The following CEP85 variants were observed in gnomAD, a reference collection of about 807,000 sequenced individuals.
The protein encoded by CEP85 is centrosomal protein 85.
A neutral mutation model predicts 93.7 loss-of-function variants in CEP85; 58 were observed. That is an observed-to-expected ratio of 0.62 (90% CI 0.50 to 0.77). CEP85 has a LOEUF of 0.77. CEP85 is among the 30% of genes least tolerant of loss of function. The pLI is 0.00. For synonymous variants in CEP85, 314 were observed against 338.6 expected (o/e 0.93, Z 0.80); for missense variants, 868 against 922.0 (o/e 0.94, Z 0.76).
chr1:26,246,016 G>A (rs1015360066), intron 3 of CEP85, among the ~76,000 whole-genome samples: 2 of 151,936 alleles, frequency 1.3e-5, no homozygotes, highest in Admixed American at 6.6e-5. Flanking sequence ...TTGTTACACA[G>A]GTTGCGTGTG....
At chr1:26,245,874 T>C (rs904160231) in intron 3 of CEP85, among the ~76,000 whole-genome samples, 2 of 152,088 alleles carry the variant, frequency 1.3e-5, no homozygotes, top group Non-Finnish European at 2.9e-5. Context: ...TGGATGGCTA[T>C]ATTCCAGAAG....
rs773552739 is a variant in CEP85 at position 26,277,243 on chromosome 1, A to G, written c.2236A>G (p.Met746Val). Residue 746 changes from methionine to valine, a missense_variant, in exon 14 of 14, where the codon ATG becomes GTG. By Grantham distance (21) the Met-to-Val change is conservative. Transcript: ENST00000451429. ...RRDIEDLRTT[M>V]SDRYAQDMGE... is the part of the protein sequence containing the mutation. ...TGACATTGAGGACTTAAGGACCACC[A>G]TGTCAGACAGATATGCCCAGGACAT... is the stretch of plus-strand genomic sequence containing the variant. The G allele has an allele frequency of 8.7e-6, 14 of 1,614,244 alleles. No individual in the cohort carries two copies. The highest frequency in any genetic ancestry group is 5.5e-5 in the South Asian group (5 of 91,092).
In CEP85 at chr1:26,272,035, G is replaced by A. The variant is rs1471023920; in HGVS notation, c.1758G>A (p.Gln586=). The A allele has an allele frequency of 6.2e-7, 1 of 1,614,028 alleles. No individual in the cohort carries two copies. Among genetic ancestry groups the A allele is most frequent in the Non-Finnish European group, 8.5e-7 (1 of 1,180,036 alleles). Residue 586 remains glutamine (Q), a synonymous_variant, in exon 11 of 14, where the codon CAG becomes CAA. Coordinates refer to ENST00000451429, the MANE Select transcript of CEP85 (RefSeq NM_001319944.2). ...TTGCCTTTCAGATTGTGGAGAAGCA[G>A]CAGCAGAAGATGGATCAGTTGCGCT... The part of the protein sequence containing the change: ...YDSLQKIVEK[Q]QQKMDQLRSQ...
At chr1:26,257,485 A>T (rs2089725105) in intron 4 of CEP85, 112 bp from the exon 5 acceptor site, 2 of 1,303,148 alleles carry the variant, frequency 1.5e-6, no homozygotes, top group Non-Finnish European at 2.1e-6. Context: ...ATTGGGCCTC[A>T]TCAGGCTGAG....
chr1:26,270,978 A>G, intron 9 of CEP85, 36 bp from the exon 10 acceptor site: 2 of 1,311,742 alleles, frequency 1.5e-6, no homozygotes, highest in South Asian at 1.2e-5. Flanking sequence ...ACTTGTGTCT[A>G]ACTTCAGAGT....
chr1:26,255,063 C>T, intron 3 of CEP85, 108 bp from the exon 4 acceptor site: 1 of 834,548 alleles, frequency 1.2e-6, no homozygotes, highest in East Asian at 2.4e-5. Flanking sequence ...GATGATGGTG[C>T]TCTCTCTGCT....
chr1:26,269,516 G>A lies in CEP85; in HGVS notation c.1551G>A (p.Glu517=), dbSNP rs139435208. 22 of 1,613,996 alleles carry A rather than the reference G, an allele frequency of 1.4e-5. No homozygotes were observed. The highest frequency in any genetic ancestry group is 1.8e-5 in the Non-Finnish European group (21 of 1,179,976). The change falls in exon 9 of 14, where the codon GAG becomes GAA. Residue 517 remains glutamate, a synonymous_variant. Transcript: ENST00000451429. ...TELQEKVTEL[E]SLLEETQAIC... is the part of the protein sequence containing the mutation. ...TGCAGGAGAAAGTGACTGAGCTGGA[G>A]AGTTTGCTGGAGGAGACCCAGGCAA...
At position 26,276,712 on chromosome 1, in the gene CEP85, AGGGCCCAGG is replaced by A. The variant is rs1557671828; in HGVS notation, c.2082_2090del (p.Arg694_Gly697delinsSer). 1.2e-6 allele frequency: 2 copies of A among 1,614,132 alleles called. No individual in the cohort carries two copies. Among genetic ancestry groups the A allele is most frequent in the Middle Eastern group, 1.6e-4 (1 of 6,062 alleles). On this transcript the variant is annotated inframe_deletion, in exon 13 of 14. Coordinates refer to ENST00000451429, the MANE Select transcript of CEP85 (RefSeq NM_001319944.2). ...GGCTGTCTGTAGCATTGTGACCCAG[AGGGCCCAGG>A]GCCATGACCCCAATCTCTCCCTGCT...
chr1:26,267,191 C>G (rs112178352), intron 7 of CEP85, among the ~76,000 whole-genome samples: 2 of 152,178 alleles, frequency 1.3e-5, no homozygotes, highest in African/African-American at 2.4e-5. Context: ...TCTATGACCC[C>G]TTCAGGTTTA....
At chr1:26,267,549 A>G (rs1280578956) in intron 7 of CEP85, among the ~76,000 whole-genome samples, 1 of 152,148 alleles carries the variant, frequency 6.6e-6, no homozygotes, top group Admixed American at 6.5e-5. Flanking sequence ...GGGCAACAAG[A>G]GCGAAACTGT....
In CEP85 at chr1:26,277,310, C is replaced by T. The variant is rs765177836; in HGVS notation, c.*17C>T. On this transcript the variant is annotated 3_prime_UTR_variant, in exon 14 of 14. Coordinates refer to ENST00000451429, the MANE Select transcript of CEP85 (RefSeq NM_001319944.2). ...ACACAGTGAGGAATTCTGGGGGATTCCCCCAGGGAGGAGCTGGGCTGCTGA... is the reference window on the plus strand; with the variant it reads ...ACACAGTGAGGAATTCTGGGGGATTTCCCCAGGGAGGAGCTGGGCTGCTGA... 6.2e-7 allele frequency: 1 copy of T among 1,601,962 alleles called. No homozygotes were observed. Among genetic ancestry groups the T allele is most frequent in the Non-Finnish European group, 8.5e-7 (1 of 1,169,730 alleles).
At chr1:26,239,938 C>G in intron 2 of CEP85, 100 bp downstream of exon 2, 2 of 868,770 alleles carry the variant, frequency 2.3e-6, no homozygotes, top group South Asian at 2.9e-5. Context: ...CACTGAAATG[C>G]TGGTGCTAAA....
intron 3 of CEP85, among the ~76,000 whole-genome samples, chr1:26,244,996 A>G (rs900254679): frequency 6.6e-5 from 10 of 151,936 alleles, no homozygotes; most frequent in African/African-American, 2.2e-4. Flanking sequence ...CACCCACTCA[A>G]ACATATTTCC....
intron 7 of CEP85, among the ~76,000 whole-genome samples, chr1:26,264,157 T>G (rs1451134028): frequency 6.6e-6 from 1 of 152,246 alleles, no homozygotes; most frequent in Non-Finnish European, 1.5e-5. Flanking sequence ...ATTTCTTGTT[T>G]TCTTAAGGTC....
chr1:26,273,773 T>C (rs774346285), intron 11 of CEP85, among the ~76,000 whole-genome samples: 3 of 152,032 alleles, frequency 2.0e-5, no homozygotes, highest in Non-Finnish European at 4.4e-5. Flanking sequence ...GTCATGCACC[T>C]GTAGTCCCAG....
rs1316649704 is a variant in CEP85, at chr1:26,277,617, C to T, written c.*324C>T. ...AGGCTGTCCACCTTTCTTCTCCATC[C>T]AATGGGATGGATCCATGTTCATTCC... On this transcript the variant is annotated 3_prime_UTR_variant, in exon 14 of 14. Transcript: ENST00000451429. 4.5e-5 allele frequency: 10 copies of T among 221,262 alleles called. No individual in the cohort carries two copies. The highest frequency in any genetic ancestry group is 2.1e-4 in the South Asian group (3 of 14,198). The allele number at this position is 221,262 out of a possible 1,614,324, so 13.7% of individuals were successfully genotyped here. A position where few individuals can be genotyped will look rare whatever the true frequency, so the allele number is the denominator to read the frequency against.
chr1:26,258,003 C>G, intron 5 of CEP85, 140 bp from the exon 6 acceptor site: 1 of 737,970 alleles, frequency 1.4e-6, no homozygotes, highest in Non-Finnish European at 2.3e-6. Context: ...TTATCTTTCT[C>G]ATTTGTTCTT....
At position 26,276,802 on chromosome 1, in the gene CEP85, T is replaced by G. The variant is rs1169031292; in HGVS notation, c.2128+42T>G. The stretch of plus-strand genomic sequence containing the variant: ...GTCTGGGGCCCAGGAAGGAGGGTCC[T>G]TCTTTCTCTTCTCTCCCCCATCCTG... On this transcript the variant is annotated intron_variant, in intron 13 of 13. Transcript: ENST00000451429. The G allele has an allele frequency of 2.2e-6, 3 of 1,359,934 alleles. No homozygotes were observed. The Admixed American group carries it at 5.7e-5, about 26-fold the overall frequency. The allele number at this position is 1,359,934 out of a possible 1,614,324, so 84.2% of individuals were successfully genotyped here. A position where few individuals can be genotyped will look rare whatever the true frequency, so the allele number is the denominator to read the frequency against.
intron 3 of CEP85, among the ~76,000 whole-genome samples, chr1:26,250,252 C>T (rs1242949205): frequency 2.0e-5 from 3 of 152,308 alleles, no homozygotes; most frequent in East Asian, 1.9e-4. Flanking sequence ...GAGCAGCAGG[C>T]GAGCAAGCAT....
Sources: gnomAD v4.1 joint callset for allele counts (sites outside exome capture counted in the v4.1 genomes callset) on GRCh38, gnomAD v4.1.1 for gene constraint, MANE v1.5 for transcripts, NCBI Gene and HGNC (gene_info 2026-07-23, HGNC 2026-07-21) for gene names.